The following STXBP4 variants were observed in gnomAD, a reference collection of about 807,000 sequenced individuals.
The protein encoded by STXBP4 is syntaxin binding protein 4, also known as syntaxin-binding protein 4.
A neutral mutation model predicts 76.1 loss-of-function variants in STXBP4; 55 were observed. The ratio of observed to expected loss-of-function variants is 0.72; its 90% CI spans 0.58 to 0.91. STXBP4 has a LOEUF of 0.91. Ranked by LOEUF, STXBP4 falls within the 40% of genes least tolerant of loss-of-function variation. The pLI, the probability that STXBP4 is intolerant of heterozygous loss-of-function variation, is 0.00. For synonymous variants in STXBP4, 201 were observed against 220.2 expected (o/e 0.91, Z 0.77); for missense variants, 618 against 636.9 (o/e 0.97, Z 0.32).
At chr17:55,011,030 C>G (rs191552848) in intron 8 of STXBP4, among the ~76,000 whole-genome samples, 9 of 152,218 alleles carry the variant, frequency 5.9e-5, no homozygotes, top group Admixed American at 2.0e-4. Context: ...CATGTTACTT[C>G]CAACTTAAAT....
chr17:55,180,483 C>A, the STXBP4 span, among the ~76,000 whole-genome samples: 1 of 152,136 alleles, frequency 6.6e-6, no homozygotes, highest in Non-Finnish European at 1.5e-5. Flanking sequence ...AACCTGAGTT[C>A]TTTTTACTTG....
intron 8 of STXBP4, among the ~76,000 whole-genome samples, chr17:55,021,120 A>C (rs1396320314): frequency 2.0e-5 from 3 of 152,114 alleles, no homozygotes; most frequent in Non-Finnish European, 4.4e-5. Context: ...ATTTTACTGA[A>C]AGTGTTCACT....
At chr17:55,103,579 G>GTTTT (rs36032034) in intron 16 of STXBP4, among the ~76,000 whole-genome samples, 48,521 of 142,808 alleles carry the variant, frequency 0.34, 8,922 homozygotes, top group East Asian at 0.52. Flanking sequence ...CTCCAGTTTT[G>GTTTT]TTTTTTTTTT....
intron 8 of STXBP4, among the ~76,000 whole-genome samples, chr17:55,029,021 CAA>C (rs1026545594): frequency 3.3e-5 from 5 of 150,468 alleles, no homozygotes; most frequent in Non-Finnish European, 5.9e-5. Flanking sequence ...CACATTTTTA[CAA>C]AGAGACATGT....
chr17:55,195,350 G>A, the STXBP4 span, among the ~76,000 whole-genome samples: 1 of 152,176 alleles, frequency 6.6e-6, no homozygotes, highest in South Asian at 2.1e-4. Flanking sequence ...TACCCCAAAT[G>A]GGAACATTGT....
intron 12 of STXBP4, among the ~76,000 whole-genome samples, chr17:55,057,822 T>C (rs2078948082): frequency 6.6e-6 from 1 of 152,130 alleles, no homozygotes; most frequent in Non-Finnish European, 1.5e-5. Context: ...TCTGTTCCTG[T>C]GTTAGTTTGC....
chr17:55,023,969 A>G (rs971556593), intron 8 of STXBP4, among the ~76,000 whole-genome samples: 13 of 151,570 alleles, frequency 8.6e-5, no homozygotes, highest in African/African-American at 3.1e-4. Flanking sequence ...CTCCAACCCA[A>G]GGAAAATACA....
At chr17:54,989,341 C>T (rs1337028267) in intron 3 of STXBP4, among the ~76,000 whole-genome samples, 2 of 152,152 alleles carry the variant, frequency 1.3e-5, no homozygotes, top group African/African-American at 4.8e-5. Flanking sequence ...GTGATCCGCC[C>T]GCCTCGGCCT....
rs772951448 is a variant in STXBP4, at chr17:55,081,180, G to A, written c.1486G>A (p.Asp496Asn). ...VKSVRALLDM[D>N]CLPYGWEEAY... Reference sequence around the variant, plus strand: ...ATCTGTTCGTGCCTTACTTGATATGGATTGTAAGTTTTCTGCATTTTTTCA... The same window carrying A: ...ATCTGTTCGTGCCTTACTTGATATGAATTGTAAGTTTTCTGCATTTTTTCA... Residue 496 changes from aspartate (D) to asparagine (N), a missense_variant, in exon 16 of 18, where the codon GAT (aspartate) becomes AAT (asparagine). Coordinates refer to ENST00000376352, the MANE Select transcript of STXBP4 (RefSeq NM_178509.6). 1.4e-6 allele frequency: 2 copies of A among 1,466,916 alleles called. No individual in the cohort carries two copies. The highest frequency in any genetic ancestry group is 1.8e-6 in the Non-Finnish European group (2 of 1,110,078). 90.9% of individuals were successfully genotyped at this position (1,466,916 alleles called of 1,614,324 possible).
At chr17:55,134,670 G>A (rs2080009140) in intron 16 of STXBP4, among the ~76,000 whole-genome samples, 1 of 152,122 alleles carries the variant, frequency 6.6e-6, no homozygotes, top group South Asian at 2.1e-4. Context: ...GTTGGCAGGA[G>A]AGAGTATGAG....
downstream of STXBP4, among the ~76,000 whole-genome samples, chr17:55,177,134 C>T (rs558467285): frequency 6.6e-5 from 10 of 152,302 alleles, no homozygotes; most frequent in African/African-American, 2.2e-4. Flanking sequence ...CCTCTTATCT[C>T]TGTACCTATA....
chr17:54,982,870 T>G (rs1384815466), intron 1 of STXBP4, among the ~76,000 whole-genome samples: 1 of 152,208 alleles, frequency 6.6e-6, no homozygotes, highest in Non-Finnish European at 1.5e-5. Context: ...TACTCTCTCA[T>G]TCCACTTTTT....
chr17:55,060,856 A>G (rs2078986564), intron 12 of STXBP4, among the ~76,000 whole-genome samples: 10 of 152,128 alleles, frequency 6.6e-5, no homozygotes, highest in Admixed American at 6.6e-4. Context: ...CTACTCTCAC[A>G]CTTAAGTTGT....
intron 8 of STXBP4, among the ~76,000 whole-genome samples, chr17:55,014,485 C>T (rs748228603): frequency 4.3e-4 from 65 of 152,054 alleles, no homozygotes; most frequent in Non-Finnish European, 5.9e-5. Flanking sequence ...CCTAGGACCC[C>T]TCGGATAGTG....
downstream of STXBP4, among the ~76,000 whole-genome samples, chr17:55,173,809 T>A (rs1199095897): frequency 6.6e-6 from 1 of 152,264 alleles, no homozygotes; most frequent in Non-Finnish European, 1.5e-5. Context: ...CAGAAAGGTC[T>A]TAATGGGCTA....
At chr17:55,017,381 C>A (rs758789770) in intron 8 of STXBP4, among the ~76,000 whole-genome samples, 1 of 152,074 alleles carries the variant, frequency 6.6e-6, no homozygotes, top group Admixed American at 6.5e-5. Context: ...TTGGGAGGGA[C>A]AAGACACCAG....
At chr17:55,043,742 G>T in intron 11 of STXBP4, 1 of 1,151,982 alleles carries the variant, frequency 8.7e-7, no homozygotes, top group Admixed American at 2.6e-5. Flanking sequence ...TTTTGCTAAC[G>T]TAATTTGGAA....
intron 17 of STXBP4, among the ~76,000 whole-genome samples, chr17:55,150,470 C>T (rs1486249428): frequency 1.3e-5 from 2 of 152,204 alleles, no homozygotes; most frequent in Admixed American, 6.5e-5. Context: ...GAGATCCAGT[C>T]TCCAAATACA....
intron 16 of STXBP4, among the ~76,000 whole-genome samples, chr17:55,130,599 C>T (rs1040278636): frequency 5.9e-5 from 9 of 152,176 alleles, no homozygotes; most frequent in Non-Finnish European, 8.8e-5. Flanking sequence ...GGTCACCATG[C>T]TGTGCAATAG....
Sources: gnomAD v4.1 joint callset for allele counts (sites outside exome capture counted in the v4.1 genomes callset) on GRCh38, gnomAD v4.1.1 for gene constraint, MANE v1.5 for transcripts, NCBI Gene and HGNC (gene_info 2026-07-23, HGNC 2026-07-21) for gene names.